Variants in CYP11B2 observed in about 807,000 individuals in gnomAD.
CYP11B2 encodes the protein cytochrome P450 family 11 subfamily B member 2, also known as cytochrome P450 11B2, mitochondrial.
Under a neutral mutation model 49.3 loss-of-function variants are expected in CYP11B2, and 38 were observed. The ratio of observed to expected loss-of-function variants is 0.77; its 90% CI spans 0.59 to 1.01. The LOEUF is 1.01. Ranked by LOEUF, CYP11B2 falls within the 50% of genes least tolerant of loss-of-function variation. The pLI, the probability that CYP11B2 is intolerant of heterozygous loss-of-function variation, is 0.00. For synonymous variants in CYP11B2, 290 were observed against 269.3 expected (o/e 1.08, Z -0.75); for missense variants, 669 against 655.5 (o/e 1.02, Z -0.23).
chr8:142,912,622 T>C lies in CYP11B2; in HGVS notation c.1306A>G (p.Arg436Gly). ...QRWLDIRGSG[R>G]NFHHVPFGFG... ...CCAAAGGGCACGTGGTGGAAGTTCC[T>C]GCCGGAGCCCCTGATGTCTAGCCAG... The change falls in exon 8 of 9, where the codon AGG (arginine) becomes GGG (glycine). Residue 436 changes from arginine to glycine, a missense_variant. Physicochemically the swap from Arg to Gly is moderately radical, Grantham distance 125. Coordinates refer to ENST00000323110, the MANE Select transcript of CYP11B2 (RefSeq NM_000498.3). 2 of 1,614,228 alleles carry C rather than the reference T, an allele frequency of 1.2e-6. No homozygotes were observed. The highest frequency in any genetic ancestry group is 1.1e-5 in the South Asian group (1 of 91,090).
Position 142,917,185 on chromosome 8 carries a change from C to T in CYP11B2, c.269G>A (p.Cys90Tyr). Residue 90 changes from cysteine to tyrosine, a missense_variant, in exon 2 of 9, where the codon TGT (cysteine) becomes TAT (tyrosine). By Grantham distance (194) the Cys-to-Tyr change is radical. Coordinates refer to ENST00000323110, the MANE Select transcript of CYP11B2 (RefSeq NM_000498.3). ...RYNLGGPRMVCVMLPEDVEKL... is the reference protein window; with the variant it reads ...RYNLGGPRMVYVMLPEDVEKL... The stretch of plus-strand genomic sequence containing the variant: ...CTCCACATCCTCCGGCAGCATCACA[C>T]ACACCATGCGTGGTCCTCCCAAGTT... 6.2e-7 allele frequency: 1 copy of T among 1,614,186 alleles called. No homozygotes were observed. The highest frequency in any genetic ancestry group is 8.5e-7 in the Non-Finnish European group (1 of 1,180,040).
intron 5 of CYP11B2, chr8:142,913,847 A>C: frequency 2.2e-6 from 1 of 462,228 alleles, no homozygotes; most frequent in Non-Finnish European, 4.2e-6. Context: ...TCTTCCCCAC[A>C]ACCCTGCCCT....
chr8:142,917,713 T>C lies in CYP11B2; in HGVS notation c.128A>G (p.Gln43Arg), dbSNP rs762537771. The C allele has an allele frequency of 1.9e-6, 3 of 1,614,248 alleles. No individual in the cohort carries two copies. The Admixed American group carries it at 5.0e-5, about 27-fold the overall frequency. ...RTVLPFEAMP[Q>R]HPGNRWLRLL... ...CCTCAGCCACCTGTTGCCTGGATGCTGGGGCATGGCTTCAAACGGCAGCAC... is the reference window on the plus strand; with the variant it reads ...CCTCAGCCACCTGTTGCCTGGATGCCGGGGCATGGCTTCAAACGGCAGCAC... The change falls in exon 1 of 9, where the codon CAG (glutamine) becomes CGG (arginine). Residue 43 changes from glutamine (Q) to arginine (R), a missense_variant. By Grantham distance (43) the Gln-to-Arg change is conservative (BLOSUM62 1). Transcript: ENST00000323110.
intron 5 of CYP11B2, chr8:142,914,034 A>G (rs749091881): frequency 1.3e-4 from 83 of 656,364 alleles, no homozygotes; most frequent in African/African-American, 1.1e-3. Context: ...TGGAGCATGG[A>G]TCCCCACACA....
At position 142,917,657 on chromosome 8, in the gene CYP11B2, C is replaced by T. The variant is rs757691062; in HGVS notation, c.184G>A (p.Glu62Lys). ...LLQIWREQGY[E>K]HLHLEMHQTF... The stretch of plus-strand genomic sequence containing the variant: ...TGGTGCATCTCCAGGTGCAGGTGCT[C>T]ATAACCCTGCTCCCTCCAGATCTGC... Residue 62 changes from glutamate to lysine, a missense_variant, in exon 1 of 9, where the codon GAG (glutamate) becomes AAG (lysine). By Grantham distance (56) the Glu-to-Lys change is moderately conservative. Coordinates refer to ENST00000323110, the MANE Select transcript of CYP11B2 (RefSeq NM_000498.3). 1.2e-6 allele frequency: 2 copies of T among 1,614,248 alleles called. No homozygotes were observed. The highest frequency in any genetic ancestry group is 1.7e-6 in the Non-Finnish European group (2 of 1,180,048).
intron 7 of CYP11B2, 27 bp from the exon 8 acceptor site, chr8:142,912,754 G>A (rs779345277): frequency 2.5e-6 from 4 of 1,613,502 alleles, no homozygotes; most frequent in Admixed American, 3.3e-5. Flanking sequence ...GCAGGGATCA[G>A]GGAATGACTG....
chr8:142,912,660 T>C lies in CYP11B2; in HGVS notation c.1268A>G (p.Tyr423Cys). Residue 423 changes from tyrosine to cysteine, a missense_variant, in exon 8 of 9, where the codon TAT (tyrosine) becomes TGT (cysteine). Coordinates refer to ENST00000323110, the MANE Select transcript of CYP11B2 (RefSeq NM_000498.3). ...GATGTCTAGCCAGCGCTGGGGATTATACCGCTCAGGCCTCGGGAACAAGGC... is the reference window on the plus strand; with the variant it reads ...GATGTCTAGCCAGCGCTGGGGATTACACCGCTCAGGCCTCGGGAACAAGGC... ...NAALFPRPER[Y>C]NPQRWLDIRG... is the part of the protein sequence containing the mutation. The C allele has an allele frequency of 6.2e-7, 1 of 1,614,130 alleles. No homozygotes were observed. Among genetic ancestry groups the C allele is most frequent in the Non-Finnish European group, 8.5e-7 (1 of 1,179,970 alleles).
Position 142,911,759 on chromosome 8 carries a change from G to A in CYP11B2, c.*221C>T. ...CAGGTGGAGCTGGGGACAAGGCCAG[G>A]CCCTGCCAGCAAGATCGTCTCCAGC... On this transcript the variant is annotated 3_prime_UTR_variant, in exon 9 of 9. Transcript: ENST00000323110. 4.7e-6 allele frequency: 3 copies of A among 638,670 alleles called. No individual in the cohort carries two copies. The highest frequency in any genetic ancestry group is 3.8e-5 in the South Asian group (2 of 52,036). The allele number at this position is 638,670 out of a possible 1,614,324, so 39.6% of individuals were successfully genotyped here.
In CYP11B2 at chr8:142,914,493, A is replaced by G. The variant is rs112270126; in HGVS notation, c.800-75T>C. ...CCTTCAGTGTCCTCCTCCTGCCCAG[A>G]CTGCCCCGACACCCAAATCTCCCTG... is the stretch of plus-strand genomic sequence containing the variant. On this transcript the variant is annotated intron_variant, in intron 4 of 8. Transcript: ENST00000323110. The G allele has an allele frequency of 4.7e-6, 7 of 1,481,078 alleles. 1 individual carries two copies. The highest frequency in any genetic ancestry group is 1.4e-5 in the African/African-American group (1 of 69,590). The allele number at this position is 1,481,078 out of a possible 1,614,324, so 91.7% of individuals were successfully genotyped here. A position where few individuals can be genotyped will look rare whatever the true frequency, so the allele number is the denominator to read the frequency against.
chr8:142,917,798 A>G lies in CYP11B2; in HGVS notation c.43T>C (p.Trp15Arg). The stretch of plus-strand genomic sequence containing the variant: ...GCCCGTGCCCTTTGCAGGGACAGCC[A>G]GGGCGCTGCCACGCACACCTCTGCC... ...AKAEVCVAAP[W>R]LSLQRARALG... is the part of the protein sequence containing the mutation. Residue 15 changes from tryptophan (W) to arginine (R), a missense_variant, in exon 1 of 9, where the codon TGG becomes CGG. Physicochemically the swap from Trp to Arg is moderately radical, Grantham distance 101. Transcript: ENST00000323110. The G allele has an allele frequency of 6.2e-7, 1 of 1,614,184 alleles. No homozygotes were observed. Among genetic ancestry groups the G allele is most frequent in the Non-Finnish European group, 8.5e-7 (1 of 1,180,040 alleles).
chr8:142,912,960 G>C lies in CYP11B2; in HGVS notation c.1122-75C>G, dbSNP rs6396. On this transcript the variant is annotated intron_variant, in intron 6 of 8. Coordinates refer to ENST00000323110, the MANE Select transcript of CYP11B2 (RefSeq NM_000498.3). ...CTGTGCTCTCTGCACCCTTCCTACC[G>C]AAGACCCCGCAGAGGTCCCAGATCC... is the stretch of plus-strand genomic sequence containing the variant. The C allele has an allele frequency of 0.048, 69,798 of 1,465,280 alleles. 8,953 individuals carry two copies. The African/African-American group carries it at 0.52, about 11-fold the overall frequency. 90.8% of individuals were successfully genotyped at this position (1,465,280 alleles called of 1,614,324 possible).
At chr8:142,916,175 G>A (rs1300423168) in intron 2 of CYP11B2, among the ~76,000 whole-genome samples, 1 of 152,048 alleles carries the variant, frequency 6.6e-6, no homozygotes, top group Non-Finnish European at 1.5e-5. Flanking sequence ...ACACATACAG[G>A]AGCGCTCCCC....
rs150915311 is a variant in CYP11B2 at position 142,911,361 on chromosome 8, C to T, written c.*619G>A. On this transcript the variant is annotated 3_prime_UTR_variant, in exon 9 of 9. Transcript: ENST00000323110. The stretch of plus-strand genomic sequence containing the variant: ...GACATGATCAGCTGGGGAACACACG[C>T]CCCTCGAGACTCAGTTGTATCACTT... The T allele has an allele frequency of 3.7e-3, 574 of 154,690 alleles. 4 individuals are homozygous for T. Among genetic ancestry groups the T allele is most frequent in the African/African-American group, 0.013 (521 of 41,548 alleles). The allele number at this position is 154,690 out of a possible 1,614,324, so 9.6% of individuals were successfully genotyped here. A position where few individuals can be genotyped will look rare whatever the true frequency, so the allele number is the denominator to read the frequency against.
At chr8:142,912,938 T>A in intron 6 of CYP11B2, 53 bp from the exon 7 acceptor site, 4 of 1,546,192 alleles carry the variant, frequency 2.6e-6, no homozygotes, top group Non-Finnish European at 2.7e-6. Context: ...GGGCTTCCTG[T>A]GCTCTCTGCA....
chr8:142,911,898 A>G lies in CYP11B2; in HGVS notation c.*82T>C. ...AGAGGGGTGACTCAGGAAGCTGTGC[A>G]CGTGGGAGAGAAGACAGGTGGCCTG... On this transcript the variant is annotated 3_prime_UTR_variant, in exon 9 of 9. Coordinates refer to ENST00000323110, the MANE Select transcript of CYP11B2 (RefSeq NM_000498.3). 6.2e-7 allele frequency: 1 copy of G among 1,602,248 alleles called. No homozygotes were observed. Among genetic ancestry groups the G allele is most frequent in the Non-Finnish European group, 8.5e-7 (1 of 1,173,184 alleles).
rs1184746437 is a variant in CYP11B2, at chr8:142,912,856, C to T, written c.1151G>A (p.Arg384Gln). 7 of 1,613,538 alleles carry T rather than the reference C, an allele frequency of 4.3e-6. No individual in the cohort carries two copies. Among genetic ancestry groups the T allele is most frequent in the South Asian group, 2.2e-5 (2 of 91,040 alleles). ...AAGCACCAAGTCTGAGCTCACCACT[C>T]GCTCCAAAAACAGACCCACAGGGTA... ...RLYPVGLFLE[R>Q]VVSSDLVLQN... The change falls in exon 7 of 9, where the codon CGA becomes CAA. Residue 384 changes from arginine to glutamine, a missense_variant. Coordinates refer to ENST00000323110, the MANE Select transcript of CYP11B2 (RefSeq NM_000498.3).
chr8:142,914,565 G>C (rs28531895), intron 4 of CYP11B2, 140 bp downstream of exon 4: 9 of 1,266,144 alleles, frequency 7.1e-6, no homozygotes, highest in Middle Eastern at 2.5e-4. Flanking sequence ...CCCCAGCCTC[G>C]CACCAATCTC....
Position 142,915,087 on chromosome 8 carries a change from G to T in CYP11B2, c.554C>A (p.Thr185Asn). Reference protein sequence around the residue: ...KVLQNARGSLTLDVQPSIFHY... With the variant: ...KVLQNARGSLNLDVQPSIFHY... ...GAAGATGCTGGGCTGGACGTCCAGGGTCAGGCTCCCCCGGGCGTTCTGCAG... is the reference window on the plus strand; with the variant it reads ...GAAGATGCTGGGCTGGACGTCCAGGTTCAGGCTCCCCCGGGCGTTCTGCAG... The change falls in exon 3 of 9, where the codon ACC (threonine) becomes AAC (asparagine). Residue 185 changes from threonine (T) to asparagine (N), a missense_variant. Coordinates refer to ENST00000323110, the MANE Select transcript of CYP11B2 (RefSeq NM_000498.3). 6.2e-7 allele frequency: 1 copy of T among 1,613,906 alleles called. No homozygotes were observed. Among genetic ancestry groups the T allele is most frequent in the East Asian group, 2.2e-5 (1 of 44,862 alleles).
At chr8:142,914,164 T>A (rs770256907) in intron 5 of CYP11B2, 100 bp downstream of exon 5, 1 of 1,378,526 alleles carries the variant, frequency 7.3e-7, no homozygotes, top group East Asian at 2.3e-5. Flanking sequence ...GCCTGTAGCC[T>A]GGGGATGGGG....
Sources: allele counts gnomAD v4.1 joint callset (sites outside exome capture counted in the v4.1 genomes callset), GRCh38; gene constraint gnomAD v4.1.1; transcripts MANE v1.5; gene names NCBI Gene and HGNC (gene_info 2026-07-23, HGNC 2026-07-21).